The following PJA2 variants were observed in gnomAD, a reference collection of about 807,000 sequenced individuals.
The protein encoded by PJA2 is E3 ubiquitin-protein ligase Praja-2.
PJA2 carries 25 observed loss-of-function variants against 69.3 expected under a neutral mutation model. That is an observed-to-expected ratio of 0.36 (90% CI 0.26 to 0.50). The LOEUF is 0.50. PJA2 is among the 20% of genes least tolerant of loss of function. The pLI is 0.96. For missense variants in PJA2, 809 were observed against 830.2 expected, an observed-to-expected ratio of 0.97 and a Z score of 0.31; for synonymous variants, 308 against 277.8, an observed-to-expected ratio of 1.11 and a Z score of -1.08.
At chr5:109,338,601 C>T (rs1350651603) in intron 9 of PJA2, among the ~76,000 whole-genome samples, 2 of 140,214 alleles carry the variant, frequency 1.4e-5, no homozygotes, top group South Asian at 2.2e-4. Flanking sequence ...AGCACCATTG[C>T]ACTCCAGCCT....
intron 1 of PJA2, among the ~76,000 whole-genome samples, chr5:109,385,424 C>T (rs961750650): frequency 2.6e-5 from 4 of 152,154 alleles, no homozygotes; most frequent in Non-Finnish European, 5.9e-5. Flanking sequence ...CCAGGTTTTA[C>T]AGGCTGGGCA....
intron 1 of PJA2, among the ~76,000 whole-genome samples, chr5:109,397,449 C>G (rs1747438818): frequency 6.6e-6 from 1 of 152,000 alleles, no homozygotes; most frequent in South Asian, 2.1e-4. Flanking sequence ...GGACTGACTG[C>G]CAACAAGGGA....
At chr5:109,349,312 T>C (rs1163799702) in intron 7 of PJA2, among the ~76,000 whole-genome samples, 1 of 152,200 alleles carries the variant, frequency 6.6e-6, no homozygotes, top group African/African-American at 2.4e-5. Flanking sequence ...ACAGCTGGCA[T>C]GATGCTAAGC....
chr5:109,393,945 A>G (rs1747343163), intron 1 of PJA2, among the ~76,000 whole-genome samples: 2 of 152,150 alleles, frequency 1.3e-5, no homozygotes, highest in Admixed American at 1.3e-4. Context: ...AAGAGAGAAT[A>G]ATCACCTTTT....
At position 109,409,951 on chromosome 5, in the gene PJA2, G is replaced by A. The variant is rs938451223; in HGVS notation, c.-197C>T. The A allele has an allele frequency of 5.6e-5, 12 of 212,996 alleles. No homozygotes were observed. The highest frequency in any genetic ancestry group is 2.4e-5 in the African/African-American group (1 of 41,892). The allele number at this position is 212,996 out of a possible 1,614,324, so 13.2% of individuals were successfully genotyped here. ...CCCCGCCGAACGCGAAGCGGCTGGC[G>A]GCTGTGGCGGCGGCGGCGGCGGTGG... On this transcript the variant is annotated 5_prime_UTR_variant, in exon 1 of 10. Coordinates refer to ENST00000361189, the MANE Select transcript of PJA2 (RefSeq NM_014819.5).
intron 1 of PJA2, among the ~76,000 whole-genome samples, chr5:109,402,663 C>T (rs1747580462): frequency 6.6e-6 from 1 of 152,110 alleles, no homozygotes; most frequent in Non-Finnish European, 1.5e-5. Context: ...CATCATCAAT[C>T]AACTTGATAT....
Position 109,362,783 on chromosome 5 carries a change from A to G in PJA2, c.1652+57T>C, listed in dbSNP as rs181649516. 9 of 1,443,600 alleles carry G rather than the reference A, an allele frequency of 6.2e-6. No homozygotes were observed. The African/African-American group carries it at 1.1e-4, about 18-fold the overall frequency. 89.4% of individuals were successfully genotyped at this position (1,443,600 alleles called of 1,614,324 possible). Reference sequence around the variant, plus strand: ...GCTAGCAGAGATTTAATTTTCATAAATTAGAATCATGAACTCAGAGCCTAA... The same window carrying G: ...GCTAGCAGAGATTTAATTTTCATAAGTTAGAATCATGAACTCAGAGCCTAA... On this transcript the variant is annotated intron_variant, in intron 6 of 9. Transcript: ENST00000361189.
chr5:109,348,885 C>A (rs246099), intron 7 of PJA2, among the ~76,000 whole-genome samples: 1 of 151,948 alleles, frequency 6.6e-6, no homozygotes, highest in Non-Finnish European at 1.5e-5. Flanking sequence ...TTTTATGTAT[C>A]TGCTTATTTA....
rs1312554925 is a variant in PJA2 at position 109,379,076 on chromosome 5, A to T, written c.411T>A (p.Asn137Lys). 1 of 1,614,078 alleles carries T rather than the reference A, an allele frequency of 6.2e-7. No homozygotes were observed. The highest frequency in any genetic ancestry group is 2.2e-5 in the East Asian group (1 of 44,854). ...EGRDTLGSST[N>K]LHNHSEGEYI... is the part of the protein sequence containing the mutation. The stretch of plus-strand genomic sequence containing the variant: ...ACTCTCCCTCAGAGTGATTATGAAG[A>T]TTTGTACTGCTTCCTAAGGTATCCC... Residue 137 changes from asparagine to lysine, a missense_variant, in exon 4 of 10, where the codon AAT (asparagine) becomes AAA (lysine). Asn to Lys is a moderately conservative substitution (Grantham distance 94). Coordinates refer to ENST00000361189, the MANE Select transcript of PJA2 (RefSeq NM_014819.5).
chr5:109,375,051 C>G (rs1022777091), intron 4 of PJA2, among the ~76,000 whole-genome samples: 1 of 152,086 alleles, frequency 6.6e-6, no homozygotes, highest in Admixed American at 6.6e-5. Context: ...CAGAGCAATG[C>G]TACTGGCTGC....
At chr5:109,406,849 T>C (rs776047872) in intron 1 of PJA2, among the ~76,000 whole-genome samples, 22 of 152,198 alleles carry the variant, frequency 1.4e-4, no homozygotes, top group Non-Finnish European at 2.4e-4. Context: ...AGGACTTCTA[T>C]TCAGCAATAA....
chr5:109,367,140 A>AT (rs1561351842), intron 5 of PJA2, among the ~76,000 whole-genome samples: 18 of 145,570 alleles, frequency 1.2e-4, no homozygotes, highest in Non-Finnish European at 2.1e-4. Context: ...TCTCAAAAAA[A>AT]AAAATATATA....
At chr5:109,392,517 C>T (rs1238284174) in intron 1 of PJA2, among the ~76,000 whole-genome samples, 1 of 150,472 alleles carries the variant, frequency 6.6e-6, no homozygotes, top group Non-Finnish European at 1.5e-5. Flanking sequence ...GCCAAGACTG[C>T]CCCAATGCAC....
chr5:109,338,954 T>C (rs369784916), intron 9 of PJA2, among the ~76,000 whole-genome samples: 1 of 152,188 alleles, frequency 6.6e-6, no homozygotes, highest in African/African-American at 2.4e-5. Flanking sequence ...CATGGGAATT[T>C]AAAGACGGCA....
chr5:109,403,459 A>G (rs1385833190), intron 1 of PJA2, among the ~76,000 whole-genome samples: 1 of 152,042 alleles, frequency 6.6e-6, no homozygotes, highest in African/African-American at 2.4e-5. Context: ...AACAAATAAT[A>G]CTAATCCTAA....
chr5:109,408,971 A>G (rs1747756951), intron 1 of PJA2: 1 of 152,346 alleles, frequency 6.6e-6, no homozygotes, highest in South Asian at 2.1e-4. Context: ...CAGAACCAGC[A>G]GACTCAAAAG....
chr5:109,400,774 T>C (rs1041827197), intron 1 of PJA2, among the ~76,000 whole-genome samples: 1 of 151,278 alleles, frequency 6.6e-6, no homozygotes, highest in Non-Finnish European at 1.5e-5. Context: ...GGTCAGGAGA[T>C]TGAGACCATC....
At chr5:109,367,260 ATTTC>A (rs1762600698) in intron 5 of PJA2, among the ~76,000 whole-genome samples, 1 of 150,808 alleles carries the variant, frequency 6.6e-6, no homozygotes, top group South Asian at 2.1e-4. Context: ...ATGTTTGTGA[ATTTC>A]TTTCTTTATA....
chr5:109,391,842 A>C (rs1362623807), intron 1 of PJA2, among the ~76,000 whole-genome samples: 2 of 152,222 alleles, frequency 1.3e-5, no homozygotes. Flanking sequence ...ATTTATTACT[A>C]ATATTACCTT....
Sources: gnomAD v4.1 joint callset for allele counts (sites outside exome capture counted in the v4.1 genomes callset) on GRCh38, gnomAD v4.1.1 for gene constraint, MANE v1.5 for transcripts, NCBI Gene and HGNC (gene_info 2026-07-23, HGNC 2026-07-21) for gene names.